CLPSL1: variants seen among roughly 807,000 people sequenced by gnomAD.
The protein encoded by CLPSL1 is colipase-like protein 1.
In CLPSL1, 13 loss-of-function variants were observed where a neutral mutation model predicts 9.3. That is an observed-to-expected ratio of 1.40 (90% CI 0.91 to 2.22). The LOEUF (loss-of-function observed/expected upper bound fraction) is 2.22, where lower values mean the gene tolerates loss of function less well. CLPSL1 is among the 30% of genes most tolerant of loss of function. The probability of loss-of-function intolerance (pLI) is 0.00; values close to 1 mark genes in which losing one functional copy is unlikely to be tolerated. For synonymous variants in CLPSL1, 58 were observed against 56.9 expected (o/e 1.02, Z -0.08); for missense variants, 164 against 146.6 (o/e 1.12, Z -0.61).
intron 1 of CLPSL1, among the ~76,000 whole-genome samples, chr6:35,782,639 G>T (rs147068317): frequency 1.3e-5 from 2 of 152,216 alleles, no homozygotes; most frequent in Admixed American, 1.3e-4. Context: ...GCCAGCAAGC[G>T]CAAATGCCCT....
In CLPSL1 at chr6:35,787,089, A is replaced by C. The variant is rs767471002; in HGVS notation, c.191A>C (p.Lys64Thr). Reference sequence around the variant, plus strand: ...AATTGCGAGTCGCACTGCGCGGAGAAGGGGTCCGAGGGCAGTCTGTGTCAA... The same window carrying C: ...AATTGCGAGTCGCACTGCGCGGAGACGGGGTCCGAGGGCAGTCTGTGTCAA... ...PDNCESHCAEKGSEGSLCQTQ... is the reference protein window; with the variant it reads ...PDNCESHCAETGSEGSLCQTQ... The change falls in exon 2 of 3, where the codon AAG becomes ACG. Residue 64 changes from lysine (K) to threonine (T), a missense_variant. Coordinates refer to ENST00000373861, the MANE Select transcript of CLPSL1 (RefSeq NM_001010886.5). 3.1e-6 allele frequency: 5 copies of C among 1,610,866 alleles called. No homozygotes were observed. The South Asian group carries it at 5.6e-5, about 18-fold the overall frequency.
intron 1 of CLPSL1, among the ~76,000 whole-genome samples, chr6:35,784,444 C>A (rs1376937384): frequency 1.3e-5 from 2 of 152,250 alleles, no homozygotes; most frequent in South Asian, 2.1e-4. Flanking sequence ...CCCGTCATGG[C>A]CTGAACCAGT....
chr6:35,789,358 A>G (rs906175977), downstream of CLPSL1, among the ~76,000 whole-genome samples: 9 of 152,272 alleles, frequency 5.9e-5, no homozygotes, highest in Non-Finnish European at 1.0e-4. Flanking sequence ...TAGTCTTTTC[A>G]ATAAATGGTG....
In CLPSL1 at chr6:35,781,804, G is replaced by C. The variant is rs112927408; in HGVS notation, c.99+595G>C. On this transcript the variant is annotated intron_variant, in intron 1 of 2. Transcript: ENST00000373861. ...TTTGTCACCCAGGCTGGAGTGCAGT[G>C]GGGCAATCTCGGCTCACTGCAAACT... Among the ~76,000 whole-genome samples the C allele has an allele frequency of 8.7e-3, 1,316 of 150,768 alleles. 18 individuals are homozygous for C. Among genetic ancestry groups the C allele is most frequent in the African/African-American group, 0.028 (1,128 of 40,946 alleles).
intron 1 of CLPSL1, among the ~76,000 whole-genome samples, chr6:35,781,755 C>CTTT (rs55754209): frequency 1.7e-4 from 23 of 132,890 alleles, no homozygotes; most frequent in Admixed American, 8.5e-4. Flanking sequence ...TTTTCTTTTT[C>CTTT]TTTTTTTTGG....
At chr6:35,791,702 G>C (rs1179918145), downstream of CLPSL1, among the ~76,000 whole-genome samples, 1 of 152,128 alleles carries the variant, frequency 6.6e-6, no homozygotes, top group Non-Finnish European at 1.5e-5. Flanking sequence ...AGGTTGAGGT[G>C]GGCGGATTGC....
intron 1 of CLPSL1, among the ~76,000 whole-genome samples, chr6:35,793,178 C>T (rs930934159): frequency 2.6e-5 from 4 of 152,236 alleles, no homozygotes; most frequent in Non-Finnish European, 4.4e-5. Flanking sequence ...AATCCCAGCA[C>T]TTTGGGAGGC....
intron 1 of CLPSL1, among the ~76,000 whole-genome samples, chr6:35,786,148 G>A (rs908911785): frequency 5.9e-5 from 9 of 151,960 alleles, no homozygotes; most frequent in Non-Finnish European, 8.8e-5. Context: ...GGCTGTAATC[G>A]CAGCTACTCG....
chr6:35,788,322 T>C (rs1768129183), downstream of CLPSL1, among the ~76,000 whole-genome samples: 1 of 152,162 alleles, frequency 6.6e-6, no homozygotes, highest in Admixed American at 6.6e-5. Context: ...AGACCAAAGC[T>C]CCCTTCCCAC....
rs1481873647 is a variant in CLPSL1 at position 35,787,851 on chromosome 6, G to A, written c.223-16G>A. ...AGCTGCCGCCAAGGTCGAGGTCAAA[G>A]TCCTGTCTTTCCCAGGTGTTCTTTG... On this transcript the variant is annotated splice_polypyrimidine_tract_variant and intron_variant, in intron 2 of 2. Coordinates refer to ENST00000373861, the MANE Select transcript of CLPSL1 (RefSeq NM_001010886.5). 1 of 1,608,432 alleles carries A rather than the reference G, an allele frequency of 6.2e-7. No homozygotes were observed. The highest frequency in any genetic ancestry group is 8.5e-7 in the Non-Finnish European group (1 of 1,176,100).
At chr6:35,788,292 G>A, downstream of CLPSL1, 1 of 445,008 alleles carries the variant, frequency 2.2e-6, no homozygotes, top group Non-Finnish European at 4.2e-6. Context: ...GTTGGGGCAT[G>A]AATGAAAGTC....
At chr6:35,793,518 A>G (rs1177861938) in exon 2 of CLPSL1, 1 of 471,738 alleles carries the variant, frequency 2.1e-6, no homozygotes, top group Non-Finnish European at 4.4e-6. Flanking sequence ...CCTGCCTTCG[A>G]ATACGGTGAG....
At chr6:35,793,517 G>A (rs59904990) in exon 2 of CLPSL1, 12 of 471,578 alleles carry the variant, frequency 2.5e-5, no homozygotes, top group Non-Finnish European at 4.4e-5. Flanking sequence ...TCCTGCCTTC[G>A]AATACGGTGA....
intron 1 of CLPSL1, 47 bp downstream of exon 1, chr6:35,781,256 G>T (rs371408721): frequency 8.7e-6 from 14 of 1,600,352 alleles, no homozygotes; most frequent in Non-Finnish European, 1.1e-5. Flanking sequence ...ACTGTCCTAA[G>T]GCCTGTACTA....
rs1346615042 is a variant in CLPSL1 at position 35,788,011 on chromosome 6, T to C, written c.*1T>C. 1.9e-6 allele frequency: 3 copies of C among 1,609,208 alleles called. No homozygotes were observed. Among genetic ancestry groups the C allele is most frequent in the Non-Finnish European group, 2.6e-6 (3 of 1,175,844 alleles). On this transcript the variant is annotated 3_prime_UTR_variant, in exon 3 of 3. Coordinates refer to ENST00000373861, the MANE Select transcript of CLPSL1 (RefSeq NM_001010886.5). ...GTTGGCTAAGAAAATGTTCTTCTAG[T>C]GCTCCCTCCTTCTTGCTGCCTCCTC...
At chr6:35,793,967 T>C (rs1323399293), downstream of CLPSL1, among the ~76,000 whole-genome samples, 1 of 152,234 alleles carries the variant, frequency 6.6e-6, no homozygotes, top group Non-Finnish European at 1.5e-5. Flanking sequence ...TAAGGCAAAA[T>C]TAAATTCCTT....
At chr6:35,789,672 T>A (rs1020277648), downstream of CLPSL1, among the ~76,000 whole-genome samples, 5 of 152,216 alleles carry the variant, frequency 3.3e-5, no homozygotes, top group Non-Finnish European at 7.3e-5. Flanking sequence ...GTTGGGTGGA[T>A]CATCTGAGGT....
In CLPSL1 at chr6:35,788,139, G is replaced by A; in HGVS notation, c.*129G>A. On this transcript the variant is annotated 3_prime_UTR_variant, in exon 3 of 3. Coordinates refer to ENST00000373861, the MANE Select transcript of CLPSL1 (RefSeq NM_001010886.5). ...AAGTGGGGAGTGATTGAAATAAAGAGCTTTTTCAATGTTTGCTGCCCACAG... is the reference window on the plus strand; with the variant it reads ...AAGTGGGGAGTGATTGAAATAAAGAACTTTTTCAATGTTTGCTGCCCACAG... 1.6e-6 allele frequency: 1 copy of A among 632,224 alleles called. No homozygotes were observed. The highest frequency in any genetic ancestry group is 1.4e-5 in the South Asian group (1 of 70,532). 39.2% of individuals were successfully genotyped at this position (632,224 alleles called of 1,614,324 possible).
At chr6:35,781,502 A>C (rs1767966787) in intron 1 of CLPSL1, among the ~76,000 whole-genome samples, 1 of 152,092 alleles carries the variant, frequency 6.6e-6, no homozygotes, top group Non-Finnish European at 1.5e-5. Flanking sequence ...ATTTTTATTG[A>C]GCACCTACTA....
Sources: allele counts gnomAD v4.1 joint callset (sites outside exome capture counted in the v4.1 genomes callset), GRCh38; gene constraint gnomAD v4.1.1; transcripts MANE v1.5; gene names NCBI Gene and HGNC (gene_info 2026-07-23, HGNC 2026-07-21).